Variants in AGAP1 observed in about 807,000 individuals in gnomAD.
AGAP1 encodes ArfGAP with GTPase domain, ankyrin repeat and PH domain 1, also known as arf-GAP with GTPase, ANK repeat and PH domain-containing protein 1.
A neutral mutation model predicts 105.3 loss-of-function variants in AGAP1; 29 were observed. The observed-to-expected ratio is 0.28, with a 90% CI of 0.21 to 0.38. AGAP1 has a LOEUF of 0.38. Among genes scored for constraint, AGAP1 ranks in the 10% least tolerant of loss-of-function variants. The pLI is 1.00. For missense variants in AGAP1, 998 were observed against 1,165.1 expected, an observed-to-expected ratio of 0.86 and a Z score of 2.09; for synonymous variants, 509 against 485.9, an observed-to-expected ratio of 1.05 and a Z score of -0.63.
At chr2:235,844,927 G>A (rs552242548) in intron 9 of AGAP1, among the ~76,000 whole-genome samples, 1 of 152,222 alleles carries the variant, frequency 6.6e-6, no homozygotes, top group East Asian at 1.9e-4. Flanking sequence ...CCATCACACT[G>A]GGTAATGATA....
intron 1 of AGAP1, among the ~76,000 whole-genome samples, chr2:235,641,462 C>G (rs1264760070): frequency 6.6e-6 from 1 of 151,124 alleles, no homozygotes; most frequent in Admixed American, 6.6e-5. Flanking sequence ...TGGTAGGATG[C>G]CTCCCTTTGC....
intron 3 of AGAP1, among the ~76,000 whole-genome samples, chr2:235,730,441 T>C (rs896097612): frequency 2.7e-5 from 4 of 150,398 alleles, no homozygotes; most frequent in South Asian, 2.1e-4. Context: ...AGTTAGGCAC[T>C]TTCTCCAGTT....
chr2:235,918,456 C>G (rs879831475), intron 11 of AGAP1, among the ~76,000 whole-genome samples: 2 of 152,210 alleles, frequency 1.3e-5, no homozygotes, highest in Non-Finnish European at 2.9e-5. Flanking sequence ...TTAGAGGACA[C>G]TAAAGTTCAT....
chr2:235,634,452 C>T (rs539801483), intron 1 of AGAP1, among the ~76,000 whole-genome samples: 2 of 152,332 alleles, frequency 1.3e-5, no homozygotes, highest in East Asian at 3.9e-4. Context: ...CTGTCACAAG[C>T]AGCTGTGGGA....
chr2:235,632,788 A>G (rs1025296517), intron 1 of AGAP1, among the ~76,000 whole-genome samples: 2 of 152,020 alleles, frequency 1.3e-5, no homozygotes, highest in African/African-American at 4.8e-5. Context: ...TTGCACGTTC[A>G]TCAGCCCGGT....
Position 236,044,590 on chromosome 2 carries a change from A to C in AGAP1, c.1891+3749A>C, listed in dbSNP as rs1446405145. ...TTCCCTTTGTGAACCCCAGGCCTGC[A>C]CACAAGAGGGGACTGGCACCCACCA... is the stretch of plus-strand genomic sequence containing the variant. On this transcript the variant is annotated intron_variant, in intron 15 of 17. Coordinates refer to ENST00000304032, the MANE Select transcript of AGAP1 (RefSeq NM_001037131.3). This position sits in a 1 kb window ranked among gnomAD's most constrained non-coding sequence, Gnocchi z 5.7. Among the ~76,000 whole-genome samples the C allele has an allele frequency of 6.6e-6, 1 of 152,032 alleles. No homozygotes were observed. Among genetic ancestry groups the C allele is most frequent in the Non-Finnish European group, 1.5e-5 (1 of 67,992 alleles).
At chr2:235,780,031 A>T (rs1956158959) in intron 6 of AGAP1, among the ~76,000 whole-genome samples, 2 of 152,206 alleles carry the variant, frequency 1.3e-5, no homozygotes, top group Admixed American at 6.5e-5. Context: ...GAAGCGGTTC[A>T]TGCAAGACCT....
At chr2:235,613,622 A>C (rs1035470061) in intron 1 of AGAP1, among the ~76,000 whole-genome samples, 3 of 152,222 alleles carry the variant, frequency 2.0e-5, no homozygotes, top group African/African-American at 7.2e-5. Flanking sequence ...ATTCTCCCTG[A>C]AAAAACTACA....
At chr2:235,653,268 A>C (rs1947658526) in intron 1 of AGAP1, among the ~76,000 whole-genome samples, 1 of 152,050 alleles carries the variant, frequency 6.6e-6, no homozygotes, top group African/African-American at 2.4e-5. Flanking sequence ...GATCGAGACC[A>C]TCCTGGCTAT....
chr2:235,538,697 C>T (rs1049912156), intron 1 of AGAP1, among the ~76,000 whole-genome samples: 3 of 152,082 alleles, frequency 2.0e-5, no homozygotes, highest in Non-Finnish European at 4.4e-5. Flanking sequence ...TAGAGCCTCC[C>T]GTTCCCATCT....
intron 16 of AGAP1, among the ~76,000 whole-genome samples, chr2:236,077,942 C>T (rs1318659371): frequency 6.6e-6 from 1 of 152,122 alleles, no homozygotes; most frequent in Admixed American, 6.6e-5. Context: ...TGGGTCACTG[C>T]CAGCCTCACA....
At chr2:236,118,387 CTTTTTTT>C (rs529993131) in intron 16 of AGAP1, among the ~76,000 whole-genome samples, 7 of 116,296 alleles carry the variant, frequency 6.0e-5, no homozygotes, top group South Asian at 2.8e-4. Flanking sequence ...TTTTCTTTTT[CTTTTTTT>C]TTTTTTTTTT....
intron 1 of AGAP1, among the ~76,000 whole-genome samples, chr2:235,532,317 A>T (rs560797473): frequency 6.6e-6 from 1 of 152,290 alleles, no homozygotes. Context: ...GCCCAGCTCA[A>T]GTGATCCTCT....
Position 235,610,664 on chromosome 2 carries a change from A to C in AGAP1, c.164-98515A>C, listed in dbSNP as rs1006371567. ...ATTTCAGGAGAGCTCAATACAGCCCATAGCACAGCGCTTCCGCACACATCC... is the reference window on the plus strand; with the variant it reads ...ATTTCAGGAGAGCTCAATACAGCCCCTAGCACAGCGCTTCCGCACACATCC... On this transcript the variant is annotated intron_variant, in intron 1 of 17. Coordinates refer to ENST00000304032, the MANE Select transcript of AGAP1 (RefSeq NM_001037131.3). This position sits in a 1 kb window ranked among gnomAD's most constrained non-coding sequence, Gnocchi z 4.9. 1.3e-5 allele frequency among the ~76,000 whole-genome samples: 2 copies of C among 152,176 alleles called. No homozygotes were observed. The highest frequency in any genetic ancestry group is 1.3e-4 in the Admixed American group (2 of 15,276).
At chr2:235,619,158 G>T (rs1946396689) in intron 1 of AGAP1, among the ~76,000 whole-genome samples, 2 of 152,182 alleles carry the variant, frequency 1.3e-5, no homozygotes. Flanking sequence ...TGGATGTAAG[G>T]TAAGAAATGT....
At chr2:235,846,930 G>T (rs1304642281) in intron 9 of AGAP1, among the ~76,000 whole-genome samples, 6 of 152,168 alleles carry the variant, frequency 3.9e-5, no homozygotes, top group Admixed American at 3.3e-4. Flanking sequence ...GCCTGGTCTG[G>T]TTCCACAGTT....
intron 11 of AGAP1, among the ~76,000 whole-genome samples, chr2:235,909,881 C>T (rs1254346148): frequency 6.6e-6 from 1 of 151,988 alleles, no homozygotes; most frequent in African/African-American, 2.4e-5. Flanking sequence ...ATTAGCCGGG[C>T]GTGGTAGCAG....
At chr2:235,782,991 C>T (rs1427004828) in intron 6 of AGAP1, among the ~76,000 whole-genome samples, 1 of 151,002 alleles carries the variant, frequency 6.6e-6, no homozygotes, top group Non-Finnish European at 1.5e-5. Context: ...TAGTTTTTAA[C>T]CTTTTAGACT....
chr2:235,642,380 G>C lies in AGAP1; in HGVS notation c.164-66799G>C, dbSNP rs1947227171. 6.6e-6 allele frequency among the ~76,000 whole-genome samples: 1 copy of C among 152,244 alleles called. No homozygotes were observed. Among genetic ancestry groups the C allele is most frequent in the Non-Finnish European group, 1.5e-5 (1 of 68,050 alleles). Reference sequence around the variant, plus strand: ...TGGCATTGATTAGAAGAGAGCTTGTGACTGAGGAAAACCTGGCTTAGGGAT... The same window carrying C: ...TGGCATTGATTAGAAGAGAGCTTGTCACTGAGGAAAACCTGGCTTAGGGAT... On this transcript the variant is annotated intron_variant, in intron 1 of 17. Transcript: ENST00000304032. The surrounding 1 kb of genome is among the most constrained non-coding windows in gnomAD (Gnocchi z 4.1).
Sources: allele counts gnomAD v4.1 joint callset (sites outside exome capture counted in the v4.1 genomes callset), GRCh38; gene constraint gnomAD v4.1.1; non-coding constraint Gnocchi (gnomAD v3.1); transcripts MANE v1.5; gene names NCBI Gene and HGNC (gene_info 2026-07-23, HGNC 2026-07-21).